PPM1L: variants seen among roughly 807,000 people sequenced by gnomAD.
PPM1L encodes the protein protein phosphatase 1L.
PPM1L carries 13 observed loss-of-function variants against 31.4 expected under a neutral mutation model. The observed-to-expected ratio is 0.41, with a 90% confidence interval of 0.27 to 0.66. The LOEUF is 0.66. PPM1L is among the 30% of genes least tolerant of loss of function. PPM1L has a pLI of 0.29. For missense variants in PPM1L, 326 were observed against 453.7 expected (o/e 0.72, Z 2.56); for synonymous variants, 184 against 175.4 (o/e 1.05, Z -0.39).
intron 1 of PPM1L, among the ~76,000 whole-genome samples, chr3:160,871,340 G>A (rs1712296952): frequency 6.7e-6 from 1 of 148,816 alleles, no homozygotes; most frequent in Non-Finnish European, 1.5e-5. Context: ...TTTCAGAGGA[G>A]CAAGAGTAGA....
chr3:160,814,068 A>G (rs1712892503), intron 1 of PPM1L, among the ~76,000 whole-genome samples: 1 of 152,224 alleles, frequency 6.6e-6, no homozygotes, highest in Non-Finnish European at 1.5e-5. Context: ...GACGGGATAT[A>G]TTAACTTGCT....
intron 2 of PPM1L, among the ~76,000 whole-genome samples, chr3:161,021,446 A>G (rs1274867682): frequency 6.6e-6 from 1 of 152,054 alleles, no homozygotes; most frequent in East Asian, 1.9e-4. Context: ...TTTATAGTCT[A>G]ACCTGGAGAA....
At chr3:160,986,837 C>G (rs905937536) in intron 2 of PPM1L, among the ~76,000 whole-genome samples, 1 of 152,156 alleles carries the variant, frequency 6.6e-6, no homozygotes, top group Non-Finnish European at 1.5e-5. Context: ...GCTGCCAAAT[C>G]TTGGAAAATT....
chr3:160,797,414 A>G (rs1345286510), intron 1 of PPM1L, among the ~76,000 whole-genome samples: 2 of 152,160 alleles, frequency 1.3e-5, no homozygotes, highest in Non-Finnish European at 2.9e-5. Flanking sequence ...AGACACAACA[A>G]TATTGAAATT....
intron 1 of PPM1L, among the ~76,000 whole-genome samples, chr3:160,888,675 A>T (rs962306126): frequency 6.6e-6 from 1 of 152,226 alleles, no homozygotes; most frequent in African/African-American, 2.4e-5. Flanking sequence ...GATCAAGTGG[A>T]CCTAATAGAC....
chr3:160,852,180 C>T (rs1711547918), intron 1 of PPM1L, among the ~76,000 whole-genome samples: 1 of 152,104 alleles, frequency 6.6e-6, no homozygotes. Context: ...GATAAGAAAC[C>T]ATTCTGAGAA....
chr3:160,912,611 A>G (rs1475514172), intron 1 of PPM1L, among the ~76,000 whole-genome samples: 2 of 152,198 alleles, frequency 1.3e-5, no homozygotes, highest in East Asian at 3.9e-4. Flanking sequence ...TGGATCCCCT[A>G]AGACCTTCTA....
chr3:160,838,581 A>G (rs574754888), intron 1 of PPM1L, among the ~76,000 whole-genome samples: 7 of 152,350 alleles, frequency 4.6e-5, no homozygotes, highest in African/African-American at 1.7e-4. Context: ...TCAATTAAAG[A>G]AAAACAACTA....
At chr3:160,841,355 G>T (rs1713874418) in intron 1 of PPM1L, among the ~76,000 whole-genome samples, 2 of 151,272 alleles carry the variant, frequency 1.3e-5, no homozygotes, top group Non-Finnish European at 2.9e-5. Flanking sequence ...TTTTTCAGAG[G>T]ATTGGAGATT....
intron 1 of PPM1L, among the ~76,000 whole-genome samples, chr3:160,952,021 C>A (rs1390833279): frequency 3.9e-5 from 6 of 152,170 alleles, no homozygotes; most frequent in Admixed American, 3.9e-4. Context: ...CATTTGCCTT[C>A]TTGAGGCAGA....
At position 161,074,556 on chromosome 3, in the gene PPM1L, AG is replaced by A. The variant is rs1720043247; in HGVS notation, c.*5404del. ...GGCTAGGTGGCGGATTGCAAAGGGC[AG>A]GGGGCAGTTGATACCATGAAGCTTC... On this transcript the variant is annotated 3_prime_UTR_variant, in exon 4 of 4. Transcript: ENST00000498165. 6.6e-6 allele frequency: 1 copy of A among 152,214 alleles called. No individual in the cohort carries two copies. Among genetic ancestry groups the A allele is most frequent in the Admixed American group, 6.5e-5 (1 of 15,276 alleles). 9.4% of individuals were successfully genotyped at this position (152,214 alleles called of 1,614,324 possible). A position where few individuals can be genotyped will look rare whatever the true frequency, so the allele number is the denominator to read the frequency against.
intron 1 of PPM1L, among the ~76,000 whole-genome samples, chr3:160,894,450 G>C (rs1306292931): frequency 1.3e-5 from 2 of 152,222 alleles, no homozygotes; most frequent in East Asian, 3.9e-4. Context: ...GGGAAAAATG[G>C]CTGATGTAGT....
chr3:160,972,201 TC>T (rs1328185568), intron 2 of PPM1L, among the ~76,000 whole-genome samples: 1 of 149,472 alleles, frequency 6.7e-6, no homozygotes, highest in Non-Finnish European at 1.5e-5. Context: ...TCAGACTTAA[TC>T]TTTTTTTTTA....
intron 2 of PPM1L, among the ~76,000 whole-genome samples, chr3:161,012,470 T>TA (rs1449383865): frequency 3.9e-5 from 6 of 152,140 alleles, no homozygotes; most frequent in African/African-American, 1.4e-4. Context: ...GATATTGGTC[T>TA]AAAATTCTCT....
chr3:160,935,386 G>A (rs1714936419), intron 1 of PPM1L, among the ~76,000 whole-genome samples: 1 of 152,174 alleles, frequency 6.6e-6, no homozygotes, highest in African/African-American at 2.4e-5. Context: ...TGGAGGTAAG[G>A]AGGCTAGGAG....
At chr3:160,914,830 G>A (rs956124941) in intron 1 of PPM1L, among the ~76,000 whole-genome samples, 1 of 152,092 alleles carries the variant, frequency 6.6e-6, no homozygotes, top group Non-Finnish European at 1.5e-5. Flanking sequence ...GGGTCAAATG[G>A]TATTTCTAGT....
chr3:160,767,383 G>A (rs936632977), intron 1 of PPM1L, among the ~76,000 whole-genome samples: 1 of 152,004 alleles, frequency 6.6e-6, no homozygotes, highest in Admixed American at 6.6e-5. Context: ...ACAGGCGTGT[G>A]CCACCATGCC....
chr3:160,817,550 C>G (rs886933644), intron 1 of PPM1L, among the ~76,000 whole-genome samples: 8 of 152,080 alleles, frequency 5.3e-5, no homozygotes, highest in Admixed American at 3.9e-4. Context: ...CGTGGGAAAT[C>G]CCAATATTTT....
In PPM1L at chr3:160,774,384, C is replaced by G. The variant is rs143011093; in HGVS notation, c.399+17677C>G. Among the ~76,000 whole-genome samples the G allele has an allele frequency of 6.1e-4, 93 of 152,260 alleles. No homozygotes were observed. In the East Asian group the frequency reaches 0.018, roughly 29 times the overall value. On this transcript the variant is annotated intron_variant, in intron 1 of 3. Coordinates refer to ENST00000498165, the MANE Select transcript of PPM1L (RefSeq NM_139245.4). Reference sequence around the variant, plus strand: ...TTTACACTAGGATTGTGACAGTGGCCTCCTCATGGTCACTTTGTCTCTGGC... The same window carrying G: ...TTTACACTAGGATTGTGACAGTGGCGTCCTCATGGTCACTTTGTCTCTGGC...
Sources: allele counts gnomAD v4.1 joint callset (sites outside exome capture counted in the v4.1 genomes callset), GRCh38; gene constraint gnomAD v4.1.1; transcripts MANE v1.5; gene names NCBI Gene and HGNC (gene_info 2026-07-23, HGNC 2026-07-21).